The following C1orf159 variants were observed in gnomAD, a reference collection of about 807,000 sequenced individuals.
The protein encoded by C1orf159 is chromosome 1 open reading frame 159.
Under a neutral mutation model 25.6 loss-of-function variants are expected in C1orf159, and 19 were observed. The ratio of observed to expected loss-of-function variants is 0.74; its 90% confidence interval spans 0.52 to 1.09. The LOEUF is 1.09. Among genes scored for constraint, C1orf159 ranks in the 50% least tolerant of loss-of-function variants. The probability of loss-of-function intolerance (pLI) is 0.00; values close to 1 mark genes in which losing one functional copy is unlikely to be tolerated. For missense variants in C1orf159, 274 were observed against 290.6 expected, an observed-to-expected ratio of 0.94 and a Z score of 0.42; for synonymous variants, 139 against 124.7, an observed-to-expected ratio of 1.12 and a Z score of -0.77.
At chr1:1,113,173 G>A (rs922429106) in intron 1 of C1orf159, among the ~76,000 whole-genome samples, 1 of 150,674 alleles carries the variant, frequency 6.6e-6, no homozygotes, top group Non-Finnish European at 1.5e-5. Context: ...TCCAGCCTGG[G>A]CGACAGAGAC....
At chr1:1,096,028 C>T (rs1372435233) in intron 1 of C1orf159, among the ~76,000 whole-genome samples, 1 of 152,164 alleles carries the variant, frequency 6.6e-6, no homozygotes, top group Admixed American at 6.5e-5. Context: ...CACACTTGGC[C>T]GAGGTGTACT....
chr1:1,084,041 G>A, intron 9 of C1orf159: 1 of 1,608,410 alleles, frequency 6.2e-7, no homozygotes, highest in East Asian at 2.2e-5. Context: ...AGGTATTGGG[G>A]GTCTGCCCTG....
intron 1 of C1orf159, among the ~76,000 whole-genome samples, chr1:1,101,587 C>T (rs1308501912): frequency 6.6e-6 from 1 of 151,950 alleles, no homozygotes; most frequent in Non-Finnish European, 1.5e-5. Context: ...CATTGGCTCA[C>T]ATCTATCAAT....
rs183206040 is a variant in C1orf159 at position 1,085,862 on chromosome 1, C to T, written c.445+16G>A. 8.4e-5 allele frequency: 135 copies of T among 1,612,550 alleles called. 1 individual carries two copies. In the East Asian group the frequency reaches 2.1e-3, roughly 26 times the overall value. On this transcript the variant is annotated intron_variant, in intron 7 of 9. Transcript: ENST00000421241. ...CCTGTGCCCTCCCGTGGGGCAGGTGCTGGTCCGGGAGATACCTTTGTTTCT... is the reference window on the plus strand; with the variant it reads ...CCTGTGCCCTCCCGTGGGGCAGGTGTTGGTCCGGGAGATACCTTTGTTTCT...
intron 1 of C1orf159, among the ~76,000 whole-genome samples, chr1:1,103,998 T>TC (rs1047677937): frequency 6.6e-6 from 1 of 151,318 alleles, no homozygotes; most frequent in African/African-American, 2.4e-5. Context: ...TTTTACTTTT[T>TC]TTTTTCTGAG....
Position 1,082,977 on chromosome 1 carries a change from C to T in C1orf159, c.513G>A (p.Pro171=), listed in dbSNP as rs532391088. The change falls in exon 10 of 10, where the codon CCG becomes CCA. Residue 171 remains proline, a synonymous_variant. Coordinates refer to ENST00000421241, the MANE Select transcript of C1orf159 (RefSeq NM_017891.5). The part of the protein sequence containing the change: ...IPPPQSSVRK[P]RYVRRERPLD... ...GGGGCCGCTCCCGCCTGACGTAGCG[C>T]GGCTTCCGTACTGAAACGGGTCAGA... 68 of 1,599,034 alleles carry T rather than the reference C, an allele frequency of 4.3e-5. No homozygotes were observed. The Middle Eastern group carries it at 5.0e-4, about 12-fold the overall frequency.
chr1:1,092,091 C>A lies in C1orf159; in HGVS notation c.-123G>T, dbSNP rs778801701. The A allele has an allele frequency of 2.1e-4, 93 of 435,830 alleles. No individual in the cohort carries two copies. The highest frequency in any genetic ancestry group is 8.6e-4 in the Admixed American group (33 of 38,492). The allele number at this position is 435,830 out of a possible 1,614,324, so 27.0% of individuals were successfully genotyped here. ...CATGGGCTCAGCTGAGCCCTGCAGA[C>A]CCCGGCCCAGTCCTGCAGATGAAGA... On this transcript the variant is annotated 5_prime_UTR_variant, in exon 2 of 10. Transcript: ENST00000421241.
intron 1 of C1orf159, among the ~76,000 whole-genome samples, chr1:1,114,672 G>C (rs918582357): frequency 1.3e-5 from 2 of 152,204 alleles, no homozygotes; most frequent in Non-Finnish European, 2.9e-5. Flanking sequence ...TAAAAACAAC[G>C]TGGCCATGAC....
chr1:1,084,248 G>C (rs529330622), intron 9 of C1orf159, 105 bp downstream of exon 9: 1 of 1,519,186 alleles, frequency 6.6e-7, no homozygotes, highest in African/African-American at 1.4e-5. Context: ...AGGGGTGGCC[G>C]AGATCCAGAG....
intron 9 of C1orf159, 130 bp downstream of exon 9, chr1:1,084,223 C>G: frequency 6.6e-7 from 1 of 1,520,144 alleles, no homozygotes; most frequent in Non-Finnish European, 8.8e-7. Context: ...GGGTGGGTCT[C>G]CTGGGGACCC....
Position 1,082,685 on chromosome 1 carries a change from T to C in C1orf159, c.*208A>G. The C allele has an allele frequency of 1.7e-6, 1 of 585,552 alleles. No individual in the cohort carries two copies. The highest frequency in any genetic ancestry group is 3.1e-6 in the Non-Finnish European group (1 of 325,986). The allele number at this position is 585,552 out of a possible 1,614,324, so 36.3% of individuals were successfully genotyped here. A position where few individuals can be genotyped will look rare whatever the true frequency, so the allele number is the denominator to read the frequency against. ...TCATGGATGCCTGCTCCTGGTCCGA[T>C]AAACGAGATGGCTGTGGTGGGGAGG... On this transcript the variant is annotated 3_prime_UTR_variant, in exon 10 of 10. Transcript: ENST00000421241.
At position 1,090,352 on chromosome 1, in the gene C1orf159, C is replaced by A; in HGVS notation, c.148+1G>T. The stretch of plus-strand genomic sequence containing the variant: ...AATCTGCTTGGGACAAAGCGGCTTA[C>A]CTGGACCACACAGACTTGCGCCTGG... On this transcript the variant is annotated splice_donor_variant, in intron 4 of 9. Coordinates refer to ENST00000421241, the MANE Select transcript of C1orf159 (RefSeq NM_017891.5). LOFTEE classifies it high-confidence loss of function. 6.4e-7 allele frequency: 1 copy of A among 1,550,562 alleles called. No homozygotes were observed.
chr1:1,094,839 C>T (rs1645988378), intron 1 of C1orf159, among the ~76,000 whole-genome samples: 1 of 152,166 alleles, frequency 6.6e-6, no homozygotes, highest in Admixed American at 6.5e-5. Flanking sequence ...TCTGCCTTGA[C>T]CTCATGGTCA....
At chr1:1,104,533 GA>G (rs1646144261) in intron 1 of C1orf159, among the ~76,000 whole-genome samples, 1 of 152,220 alleles carries the variant, frequency 6.6e-6, no homozygotes. Flanking sequence ...CACTGAAGTA[GA>G]ACCCCATCAT....
At chr1:1,108,159 G>A (rs1646202399) in intron 1 of C1orf159, among the ~76,000 whole-genome samples, 1 of 141,726 alleles carries the variant, frequency 7.1e-6, no homozygotes, top group Non-Finnish European at 1.5e-5. Context: ...GTCCACCACA[G>A]CCACCATGTC....
intron 1 of C1orf159, among the ~76,000 whole-genome samples, chr1:1,100,871 C>T (rs1470041614): frequency 6.6e-6 from 1 of 152,220 alleles, no homozygotes; most frequent in Admixed American, 6.5e-5. Flanking sequence ...CACCTTGCAA[C>T]TGTACAGTCC....
chr1:1,113,040 C>G (rs1646283422), intron 1 of C1orf159, among the ~76,000 whole-genome samples: 1 of 152,038 alleles, frequency 6.6e-6, no homozygotes, highest in African/African-American at 2.4e-5. Flanking sequence ...TACTAAAATA[C>G]AAAAAATTAG....
At chr1:1,104,178 G>A (rs563720328) in intron 1 of C1orf159, among the ~76,000 whole-genome samples, 144 of 152,016 alleles carry the variant, frequency 9.5e-4, no homozygotes, top group African/African-American at 3.3e-3. Flanking sequence ...TAGTAGAGAC[G>A]GGGTTTCAGC....
At chr1:1,091,272 G>A (rs766559953) in intron 3 of C1orf159, 200 bp downstream of exon 3, 39 of 671,238 alleles carry the variant, frequency 5.8e-5, no homozygotes, top group South Asian at 2.2e-4. Flanking sequence ...CTGAGCAGGC[G>A]CTCACCCAGC....
Sources: gnomAD v4.1 joint callset for allele counts (sites outside exome capture counted in the v4.1 genomes callset) on GRCh38, gnomAD v4.1.1 for gene constraint, MANE v1.5 for transcripts, NCBI Gene and HGNC (gene_info 2026-07-23, HGNC 2026-07-21) for gene names.